The following OGFOD3 variants were observed in gnomAD, a reference collection of about 807,000 sequenced individuals.
The protein encoded by OGFOD3 is 2-oxoglutarate and iron dependent oxygenase domain containing 3.
A neutral mutation model predicts 39.8 loss-of-function variants in OGFOD3; 35 were observed. The observed-to-expected ratio is 0.88, with a 90% confidence interval of 0.67 to 1.17. The LOEUF (loss-of-function observed/expected upper bound fraction) is 1.17, where lower values mean the gene tolerates loss of function less well. Among genes scored for constraint, OGFOD3 ranks in the 50% most tolerant of loss-of-function variants. The pLI is 0.00. For missense variants in OGFOD3, 438 were observed against 454.5 expected, an observed-to-expected ratio of 0.96 and a Z score of 0.33; for synonymous variants, 200 against 192.0, an observed-to-expected ratio of 1.04 and a Z score of -0.34.
At chr17:82,407,826 G>T (rs1000588582) in intron 4 of OGFOD3, among the ~76,000 whole-genome samples, 1 of 152,146 alleles carries the variant, frequency 6.6e-6, no homozygotes, top group South Asian at 2.1e-4. Context: ...CCCCCGAACT[G>T]AACCAAACCA....
At chr17:82,409,200 T>C (rs2052904789) in intron 4 of OGFOD3, among the ~76,000 whole-genome samples, 168 bp downstream of exon 4, 1 of 152,314 alleles carries the variant, frequency 6.6e-6, no homozygotes. Context: ...CGCACGGGTT[T>C]CAGTCAGGCG....
Position 82,392,505 on chromosome 17 carries a change from C to T in OGFOD3, c.853G>A (p.Glu285Lys), listed in dbSNP as rs529453015. Residue 285 changes from glutamate to lysine, a missense_variant, in exon 9 of 9, where the codon GAG becomes AAG. Glu to Lys is a moderately conservative substitution (Grantham distance 56, BLOSUM62 1). Transcript: ENST00000313056. This position sits in a 1 kb window ranked among gnomAD's most constrained non-coding sequence, Gnocchi z 4.2. ...GRVSFFTSGSENLHRVEKVHW... is the reference protein window; with the variant it reads ...GRVSFFTSGSKNLHRVEKVHW... ...ACCTTCTCCACGCGGTGTAGGTTCT[C>T]GGACCCCGAGGTGAAGAAGGAGACG... 8.1e-6 allele frequency: 13 copies of T among 1,599,122 alleles called. No individual in the cohort carries two copies. Among genetic ancestry groups the T allele is most frequent in the Admixed American group, 7.0e-5 (4 of 57,376 alleles).
chr17:82,406,948 T>G lies in OGFOD3; in HGVS notation c.424-466A>C, dbSNP rs2052865460. On this transcript the variant is annotated intron_variant, in intron 4 of 8. Coordinates refer to ENST00000313056, the MANE Select transcript of OGFOD3 (RefSeq NM_024648.3). The surrounding 1 kb of genome is among the most constrained non-coding windows in gnomAD (Gnocchi z 5.2). ...ATCCTCCCAGACCGGCCAGACGTGG[T>G]GGCTCACACCTGCAATCCCAGCACT... Among the ~76,000 whole-genome samples, 1 of 152,170 alleles carries G rather than the reference T, an allele frequency of 6.6e-6. No individual in the cohort carries two copies. Among genetic ancestry groups the G allele is most frequent in the Non-Finnish European group, 1.5e-5 (1 of 68,042 alleles).
intron 7 of OGFOD3, chr17:82,401,162 T>C (rs1320506206): frequency 1.4e-5 from 2 of 146,136 alleles, no homozygotes; most frequent in Non-Finnish European, 3.0e-5. Context: ...TTTTTTTTTT[T>C]AGATGGAGTC....
chr17:82,409,018 G>A (rs1166780743), intron 4 of OGFOD3, among the ~76,000 whole-genome samples: 2 of 152,212 alleles, frequency 1.3e-5, no homozygotes, highest in Admixed American at 1.3e-4. Context: ...GCTCTCCTGT[G>A]TCCAGCATGC....
chr17:82,417,301 A>G (rs1599709554), intron 1 of OGFOD3: 1 of 152,122 alleles, frequency 6.6e-6, no homozygotes, highest in East Asian at 1.9e-4. Flanking sequence ...ACCCCCCACA[A>G]CTAAATTTGA....
At position 82,418,406 on chromosome 17, in the gene OGFOD3, C is replaced by A; in HGVS notation, c.74+6G>T. 1 of 1,477,996 alleles carries A rather than the reference C, an allele frequency of 6.8e-7. No individual in the cohort carries two copies. The highest frequency in any genetic ancestry group is 1.3e-5 in the South Asian group (1 of 79,210). The allele number at this position is 1,477,996 out of a possible 1,614,324, so 91.6% of individuals were successfully genotyped here. A position where few individuals can be genotyped will look rare whatever the true frequency, so the allele number is the denominator to read the frequency against. ...CAGCGCGCGCCCTTCCCCTCCTCAC[C>A]GCTACCTGCTCCGGTTCCGGCGCTC... is the stretch of plus-strand genomic sequence containing the variant. On this transcript the variant is annotated splice_donor_region_variant and intron_variant, in intron 1 of 8. Transcript: ENST00000313056.
intron 8 of OGFOD3, chr17:82,394,554 A>G: frequency 6.2e-7 from 1 of 1,602,758 alleles, no homozygotes; most frequent in Non-Finnish European, 8.5e-7. Context: ...CTGGGGACAC[A>G]GGACAGGGAT....
intron 1 of OGFOD3, chr17:82,418,198 C>T: frequency 2.4e-6 from 1 of 413,802 alleles, no homozygotes; most frequent in East Asian, 4.0e-5. Flanking sequence ...ATAGGTGGGC[C>T]TCTGCCGTCG....
intron 3 of OGFOD3, among the ~76,000 whole-genome samples, chr17:82,410,271 G>A (rs540295175): frequency 9.1e-4 from 139 of 152,370 alleles, no homozygotes; most frequent in African/African-American, 3.3e-3. Context: ...CCTGCGTGGA[G>A]CTAGGCAGCA....
At chr17:82,399,501 T>C (rs1056991941) in intron 7 of OGFOD3, among the ~76,000 whole-genome samples, 6 of 152,244 alleles carry the variant, frequency 3.9e-5, no homozygotes, top group African/African-American at 1.4e-4. Flanking sequence ...GTGTCTTCAC[T>C]GTTTTTAAGC....
intron 3 of OGFOD3, among the ~76,000 whole-genome samples, chr17:82,410,272 C>G (rs2143273776): frequency 6.6e-6 from 1 of 152,366 alleles, no homozygotes; most frequent in East Asian, 1.9e-4. Flanking sequence ...CTGCGTGGAG[C>G]TAGGCAGCAT....
intron 7 of OGFOD3, chr17:82,401,482 A>G (rs573872709): frequency 6.6e-6 from 1 of 152,102 alleles, no homozygotes; most frequent in East Asian, 1.9e-4. Flanking sequence ...GAGTGCCAAG[A>G]TGGCAGATGC....
chr17:82,409,467 C>T, intron 3 of OGFOD3, 57 bp from the exon 4 acceptor site: 1 of 1,542,352 alleles, frequency 6.5e-7, no homozygotes, highest in South Asian at 1.1e-5. Flanking sequence ...AATGTATAAT[C>T]TAGGCAAACG....
intron 7 of OGFOD3, among the ~76,000 whole-genome samples, chr17:82,399,815 G>A (rs1377785614): frequency 1.3e-5 from 2 of 152,196 alleles, no homozygotes; most frequent in African/African-American, 4.8e-5. Context: ...GAAAGGTGCA[G>A]CTGCCAGGAC....
In OGFOD3 at chr17:82,392,931, T is replaced by A. The variant is rs2052616657; in HGVS notation, c.824-397A>T. The A allele has an allele frequency of 5.7e-6, 1 of 174,466 alleles. No homozygotes were observed. Among genetic ancestry groups the A allele is most frequent in the African/African-American group, 2.4e-5 (1 of 42,198 alleles). 10.8% of individuals were successfully genotyped at this position (174,466 alleles called of 1,614,324 possible). ...TAGGATCTTATTTCTAATCACAGGT[T>A]GAGAACAAAAACCAAGCCCTGGGGG... On this transcript the variant is annotated intron_variant, in intron 8 of 8. Coordinates refer to ENST00000313056, the MANE Select transcript of OGFOD3 (RefSeq NM_024648.3). The surrounding 1 kb of genome is among the most constrained non-coding windows in gnomAD (Gnocchi z 4.2).
chr17:82,398,307 A>G lies in OGFOD3; in HGVS notation c.712T>C (p.Ser238Pro), dbSNP rs1467206807. The G allele has an allele frequency of 6.2e-7, 1 of 1,613,896 alleles. No individual in the cohort carries two copies. The highest frequency in any genetic ancestry group is 1.1e-5 in the South Asian group (1 of 91,068). The stretch of plus-strand genomic sequence containing the variant: ...TACAGCAGCGAGGTGTAGTCGAAGG[A>G]GCCGTAGGTCACCTGAGGGCAGAGC... ...HAHVDKVTYGSFDYTSLLYLS... is the reference protein window; with the variant it reads ...HAHVDKVTYGPFDYTSLLYLS... The change falls in exon 8 of 9, where the codon TCC becomes CCC. Residue 238 changes from serine to proline, a missense_variant. Transcript: ENST00000313056.
chr17:82,400,274 G>T (rs1356611479), intron 7 of OGFOD3, among the ~76,000 whole-genome samples: 1 of 151,824 alleles, frequency 6.6e-6, no homozygotes, highest in African/African-American at 2.4e-5. Flanking sequence ...CCCCCTCCAG[G>T]CCTCACAGAT....
chr17:82,390,508 CAG>C lies in OGFOD3; in HGVS notation c.*1888_*1889del, dbSNP rs2052586950. On this transcript the variant is annotated 3_prime_UTR_variant, in exon 9 of 9. Transcript: ENST00000313056. The surrounding 1 kb of genome is among the most constrained non-coding windows in gnomAD (Gnocchi z 4.9). The stretch of plus-strand genomic sequence containing the variant: ...AGTCCTTCAGAATCGTGCCTCGCTC[CAG>C]TGTCCCACATCAGAGGCCATGGGAG... The C allele has an allele frequency of 6.5e-6, 1 of 153,026 alleles. No homozygotes were observed. Among genetic ancestry groups the C allele is most frequent in the Non-Finnish European group, 1.5e-5 (1 of 68,588 alleles). The allele number at this position is 153,026 out of a possible 1,614,324, so 9.5% of individuals were successfully genotyped here.
Sources: gnomAD v4.1 joint callset for allele counts (sites outside exome capture counted in the v4.1 genomes callset) on GRCh38, gnomAD v4.1.1 for gene constraint, Gnocchi (gnomAD v3.1) non-coding constraint, MANE v1.5 for transcripts, NCBI Gene and HGNC (gene_info 2026-07-23, HGNC 2026-07-21) for gene names.